The following SLC12A2 variants were observed in gnomAD, a reference collection of about 807,000 sequenced individuals.
The protein encoded by SLC12A2 is solute carrier family 12 member 2, also known as Na-K-2Cl cotransporter 1.
A neutral mutation model predicts 136.3 loss-of-function variants in SLC12A2; 67 were observed. The ratio of observed to expected loss-of-function variants is 0.49; its 90% CI spans 0.40 to 0.60. The LOEUF (loss-of-function observed/expected upper bound fraction) is 0.60, where lower values mean the gene tolerates loss of function less well. SLC12A2 is among the 20% of genes least tolerant of loss of function. SLC12A2 has a pLI of 0.00. For synonymous variants in SLC12A2, 619 were observed against 562.9 expected (o/e 1.10, Z -1.41); for missense variants, 1,322 against 1,534.7 (o/e 0.86, Z 2.32).
At chr5:128,135,512 G>A (rs1762157933) in intron 6 of SLC12A2, among the ~76,000 whole-genome samples, 188 bp from the exon 7 acceptor site, 1 of 151,930 alleles carries the variant, frequency 6.6e-6, no homozygotes, top group Non-Finnish European at 1.5e-5. Flanking sequence ...TTTCTTTAAA[G>A]ATCTCTTTGT....
chr5:128,114,383 T>C, intron 3 of SLC12A2, 96 bp downstream of exon 3: 1 of 962,602 alleles, frequency 1.0e-6, no homozygotes. Context: ...GAGTCATTTT[T>C]AACTACGTTT....
chr5:128,145,894 T>C (rs1194024749), intron 10 of SLC12A2, among the ~76,000 whole-genome samples: 1 of 152,032 alleles, frequency 6.6e-6, no homozygotes, highest in Non-Finnish European at 1.5e-5. Flanking sequence ...AGATAAAATC[T>C]CCACCAATGA....
At chr5:128,172,717 C>T (rs978502718) in intron 19 of SLC12A2, among the ~76,000 whole-genome samples, 2 of 152,078 alleles carry the variant, frequency 1.3e-5, no homozygotes, top group Non-Finnish European at 2.9e-5. Context: ...TCCCAGCATG[C>T]TGGGAGGCTG....
chr5:128,145,738 G>A lies in SLC12A2; in HGVS notation c.1774-1884G>A, dbSNP rs375251568. Among the ~76,000 whole-genome samples the A allele has an allele frequency of 1.3e-3, 205 of 152,118 alleles. 4 individuals carry two copies. In the South Asian group the frequency reaches 0.04, roughly 30 times the overall value. ...GTACATGAAATCAGACTTATGCATT[G>A]TGGACAGGGATTGTACCCGTTGCTA... On this transcript the variant is annotated intron_variant, in intron 10 of 26. Coordinates refer to ENST00000262461, the MANE Select transcript of SLC12A2 (RefSeq NM_001046.3).
chr5:128,156,541 G>A (rs892395560), intron 15 of SLC12A2, among the ~76,000 whole-genome samples: 2 of 152,132 alleles, frequency 1.3e-5, no homozygotes, highest in African/African-American at 4.8e-5. Context: ...AAAGATAGGG[G>A]CTACAAGTTA....
intron 19 of SLC12A2, among the ~76,000 whole-genome samples, chr5:128,173,375 G>C (rs1007915004): frequency 6.6e-6 from 1 of 152,126 alleles, no homozygotes; most frequent in Non-Finnish European, 1.5e-5. Flanking sequence ...TCCCTTTCAC[G>C]TATCAGTTTG....
At chr5:128,136,398 C>G (rs899768613) in intron 7 of SLC12A2, among the ~76,000 whole-genome samples, 1 of 152,070 alleles carries the variant, frequency 6.6e-6, no homozygotes, top group African/African-American at 2.4e-5. Flanking sequence ...GTTTTGATGA[C>G]TTAGTCAAGG....
chr5:128,142,848 TTTAA>T (rs1266718600), intron 10 of SLC12A2, among the ~76,000 whole-genome samples: 10 of 152,310 alleles, frequency 6.6e-5, no homozygotes, highest in Middle Eastern at 3.4e-3. Context: ...GTGTGTGTGT[TTTAA>T]TTAATTAATT....
chr5:128,140,881 A>G (rs1210822179), intron 9 of SLC12A2, among the ~76,000 whole-genome samples: 2 of 151,952 alleles, frequency 1.3e-5, no homozygotes, highest in African/African-American at 2.4e-5. Context: ...GAAAAAATTG[A>G]AAAACAAAGA....
intron 10 of SLC12A2, 66 bp from the exon 11 acceptor site, chr5:128,147,556 A>G (rs1350291581): frequency 1.0e-6 from 1 of 997,434 alleles, no homozygotes; most frequent in African/African-American, 1.6e-5. Context: ...GTGACCACAT[A>G]ATATTGTGTT....
Position 128,131,265 on chromosome 5 carries a change from C to T in SLC12A2, c.1188+59C>T, listed in dbSNP as rs531387840. The T allele has an allele frequency of 1.6e-4, 239 of 1,533,026 alleles. 1 individual carries two copies. The highest frequency in any genetic ancestry group is 1.4e-3 in the South Asian group (127 of 88,972). 95.0% of individuals were successfully genotyped at this position (1,533,026 alleles called of 1,614,324 possible). On this transcript the variant is annotated intron_variant, in intron 5 of 26. Coordinates refer to ENST00000262461, the MANE Select transcript of SLC12A2 (RefSeq NM_001046.3). ...AAATCTTTATTGAGGGATTATATGCCGATCACCATGTTAGAGGTTGGGAAA... is the reference window on the plus strand; with the variant it reads ...AAATCTTTATTGAGGGATTATATGCTGATCACCATGTTAGAGGTTGGGAAA...
At chr5:128,163,934 ATATTT>A (rs560003075) in intron 17 of SLC12A2, among the ~76,000 whole-genome samples, 1 of 152,252 alleles carries the variant, frequency 6.6e-6, no homozygotes, top group African/African-American at 2.4e-5. Flanking sequence ...AAATATTGAA[ATATTT>A]TAGGTAGAAT....
At chr5:128,128,154 T>G (rs1045008805) in intron 4 of SLC12A2, among the ~76,000 whole-genome samples, 5 of 152,198 alleles carry the variant, frequency 3.3e-5, no homozygotes, top group Non-Finnish European at 5.9e-5. Flanking sequence ...TCTGTTGTGG[T>G]CAGTAATATA....
chr5:128,128,227 G>A (rs1224433578), intron 4 of SLC12A2, among the ~76,000 whole-genome samples: 1 of 152,080 alleles, frequency 6.6e-6, no homozygotes, highest in Non-Finnish European at 1.5e-5. Flanking sequence ...AGTTTTTAAT[G>A]TTAGGCTTTT....
Position 128,151,275 on chromosome 5 carries a change from G to T in SLC12A2, c.2142G>T (p.Trp714Cys), listed in dbSNP as rs1762691833. ...CTGCATTCAAATACTACAACATGTGGATATCACTTCTTGGAGCAATTCTTT... is the reference window on the plus strand; with the variant it reads ...CTGCATTCAAATACTACAACATGTGTATATCACTTCTTGGAGCAATTCTTT... The part of the protein sequence containing the change: ...WRPAFKYYNM[W>C]ISLLGAILCC... The change falls in exon 14 of 27, where the codon TGG becomes TGT. Residue 714 changes from tryptophan (W) to cysteine (C), a missense_variant. Physicochemically the swap from Trp to Cys is radical, Grantham distance 215. Coordinates refer to ENST00000262461, the MANE Select transcript of SLC12A2 (RefSeq NM_001046.3). 6.2e-7 allele frequency: 1 copy of T among 1,609,000 alleles called. No homozygotes were observed. Among genetic ancestry groups the T allele is most frequent in the African/African-American group, 1.3e-5 (1 of 74,742 alleles).
intron 22 of SLC12A2, among the ~76,000 whole-genome samples, chr5:128,179,892 G>A (rs148306103): frequency 1.7e-4 from 23 of 138,798 alleles, no homozygotes; most frequent in East Asian, 1.1e-3. Context: ...CCTATATTTC[G>A]CCAGCAGAAT....
intron 18 of SLC12A2, 22 bp from the exon 19 acceptor site, chr5:128,171,644 AT>A: frequency 6.6e-7 from 1 of 1,522,588 alleles, no homozygotes. Context: ...TGGTTTTTTC[AT>A]TTTTTGTTTT....
intron 1 of SLC12A2, among the ~76,000 whole-genome samples, chr5:128,089,351 G>C (rs1760222624): frequency 6.6e-6 from 1 of 151,956 alleles, no homozygotes; most frequent in Non-Finnish European, 1.5e-5. Context: ...TTATGCCTGT[G>C]AACAGCCACT....
intron 4 of SLC12A2, among the ~76,000 whole-genome samples, chr5:128,120,439 A>G (rs1398256145): frequency 5.9e-5 from 9 of 151,766 alleles, no homozygotes; most frequent in Admixed American, 4.6e-4. Context: ...ATTCACAATA[A>G]CAAAGACTTG....
Sources: allele counts gnomAD v4.1 joint callset (sites outside exome capture counted in the v4.1 genomes callset), GRCh38; gene constraint gnomAD v4.1.1; transcripts MANE v1.5; gene names NCBI Gene and HGNC (gene_info 2026-07-23, HGNC 2026-07-21).